The following STAT3 variants were observed in gnomAD, a reference collection of about 807,000 sequenced individuals.
The protein encoded by STAT3 is signal transducer and activator of transcription 3.
STAT3 carries 7 observed loss-of-function variants against 114.3 expected under a neutral mutation model. The observed-to-expected ratio is 0.06, with a 90% confidence interval of 0.03 to 0.11. The LOEUF is 0.11. Ranked by LOEUF, STAT3 falls within the 10% of genes least tolerant of loss-of-function variation. The pLI is 1.00. For synonymous variants in STAT3, 331 were observed against 354.5 expected, an observed-to-expected ratio of 0.93 and a Z score of 0.74; for missense variants, 364 against 960.9, an observed-to-expected ratio of 0.38 and a Z score of 8.21.
intron 1 of STAT3, among the ~76,000 whole-genome samples, chr17:42,382,709 C>T (rs1276232523): frequency 6.6e-5 from 10 of 150,968 alleles, no homozygotes; most frequent in South Asian, 6.3e-4. Context: ...TGCAGTGGCA[C>T]GATCTCAGCT....
In STAT3 at chr17:42,322,338, G is replaced by A; in HGVS notation, c.2045C>T (p.Ala682Val). 6.2e-7 allele frequency: 1 copy of A among 1,614,224 alleles called. No individual in the cohort carries two copies. Among genetic ancestry groups the A allele is most frequent in the Non-Finnish European group, 8.5e-7 (1 of 1,180,036 alleles). Residue 682 changes from alanine (A) to valine (V), a missense_variant, in exon 21 of 24, where the codon GCA (alanine) becomes GTA (valine). Around this residue, in one of 5 missense-constraint regions of STAT3, gnomAD observed 21 missense variants for 43.2 expected, o/e 0.49. Transcript: ENST00000264657. Reference protein sequence around the residue: ...YLYPDIPKEEAFGKYCRPESQ... With the variant: ...YLYPDIPKEEVFGKYCRPESQ... ...CTCTGGCCGACAATACTTTCCGAATGCCTCCTCCTTGGGAATGTCAGGATA... is the reference window on the plus strand; with the variant it reads ...CTCTGGCCGACAATACTTTCCGAATACCTCCTCCTTGGGAATGTCAGGATA...
At chr17:42,323,375 A>C (rs781306396) in intron 18 of STAT3, 21 bp from the exon 19 acceptor site, 1 of 1,613,518 alleles carries the variant, frequency 6.2e-7, no homozygotes, top group Non-Finnish European at 8.5e-7. Flanking sequence ...GAGTAATGGG[A>C]AAGCCAAGTC....
intron 1 of STAT3, among the ~76,000 whole-genome samples, chr17:42,382,699 T>G (rs547184062): frequency 1.1e-4 from 17 of 151,584 alleles, no homozygotes; most frequent in African/African-American, 4.1e-4. Flanking sequence ...CAGGCTGGAG[T>G]GCAGTGGCAC....
chr17:42,371,489 T>G (rs1257061106), intron 1 of STAT3, among the ~76,000 whole-genome samples: 2 of 145,262 alleles, frequency 1.4e-5, no homozygotes, highest in Non-Finnish European at 3.0e-5. Flanking sequence ...CTGACCAACA[T>G]GGAGAAACCT....
chr17:42,354,895 A>G (rs1170168709), intron 1 of STAT3, among the ~76,000 whole-genome samples: 1 of 152,128 alleles, frequency 6.6e-6, no homozygotes, highest in Non-Finnish European at 1.5e-5. Flanking sequence ...TAATACTTTA[A>G]TAGTTATTCT....
intron 1 of STAT3, among the ~76,000 whole-genome samples, chr17:42,381,260 T>C (rs1291445275): frequency 6.6e-6 from 1 of 152,174 alleles, no homozygotes; most frequent in Non-Finnish European, 1.5e-5. Context: ...AAAATATAAG[T>C]TCTTTGGCTG....
intron 1 of STAT3, among the ~76,000 whole-genome samples, chr17:42,366,473 C>T (rs1240037325): frequency 6.6e-6 from 1 of 151,966 alleles, no homozygotes; most frequent in Non-Finnish European, 1.5e-5. Context: ...GAGTTTGAGA[C>T]CAGCCTAGGC....
intron 1 of STAT3, among the ~76,000 whole-genome samples, chr17:42,384,089 C>A (rs183811241): frequency 6.6e-6 from 1 of 152,078 alleles, no homozygotes; most frequent in Admixed American, 6.6e-5. Context: ...GATTAAACAT[C>A]AGTGCTTCGG....
At chr17:42,322,874 TGCGAGTCTGAGTGAAACAG>T in intron 20 of STAT3, 111 bp downstream of exon 20, 1 of 1,322,108 alleles carries the variant, frequency 7.6e-7, no homozygotes, top group Non-Finnish European at 1.1e-6. Context: ...AAATGTGTTT[TGCGAGTCTGAGTGAAACAG>T]GGAGTCAAGG....
At chr17:42,388,193 T>A (rs2085218418) in intron 1 of STAT3, 86 bp downstream of exon 1, 5 of 1,220,082 alleles carry the variant, frequency 4.1e-6, no homozygotes, top group Non-Finnish European at 4.1e-6. Flanking sequence ...CATCACAACA[T>A]CCCCAAGGTC....
rs546773332 is a variant in STAT3, at chr17:42,359,249, C to G, written c.-23-10710G>C. ...CCGCACCCAGCCAGATATTTCTTAT[C>G]TTAAACCCATTTCCTTAGTGTCCTG... On this transcript the variant is annotated intron_variant, in intron 1 of 23. Transcript: ENST00000264657. 2.0e-5 allele frequency among the ~76,000 whole-genome samples: 3 copies of G among 152,146 alleles called. No individual in the cohort carries two copies. In the South Asian group the frequency reaches 6.2e-4, roughly 32 times the overall value.
At position 42,337,142 on chromosome 17, in the gene STAT3, G is replaced by A. The variant is rs997750416; in HGVS notation, c.797+293C>T. On this transcript the variant is annotated intron_variant, in intron 8 of 23. Transcript: ENST00000264657. The surrounding 1 kb of genome is among the most constrained non-coding windows in gnomAD (Gnocchi z 4.0). The stretch of plus-strand genomic sequence containing the variant: ...CTACAGGTGCGCACCACCACGCCCG[G>A]CTAATTTTTTTATGTTTTTAGTAGA... Among the ~76,000 whole-genome samples the A allele has an allele frequency of 6.6e-6, 1 of 151,944 alleles. No homozygotes were observed. Among genetic ancestry groups the A allele is most frequent in the African/African-American group, 2.4e-5 (1 of 41,352 alleles).
chr17:42,387,753 G>GT, intron 1 of STAT3: 1 of 152,830 alleles, frequency 6.5e-6, no homozygotes, highest in Admixed American at 6.5e-5. Flanking sequence ...CAGCCAGCCC[G>GT]TAAGGCTGCA....
At chr17:42,336,312 C>T (rs2082226678) in intron 8 of STAT3, among the ~76,000 whole-genome samples, 1 of 152,114 alleles carries the variant, frequency 6.6e-6, no homozygotes, top group Non-Finnish European at 1.5e-5. Context: ...AAGGAAGATC[C>T]TGGGCTGGGC....
At chr17:42,372,172 C>T (rs962715337) in intron 1 of STAT3, among the ~76,000 whole-genome samples, 1 of 152,146 alleles carries the variant, frequency 6.6e-6, no homozygotes, top group Non-Finnish European at 1.5e-5. Context: ...TCTTACAAAA[C>T]TAAACATACT....
intron 1 of STAT3, among the ~76,000 whole-genome samples, chr17:42,379,841 G>A (rs2084675873): frequency 6.6e-6 from 1 of 152,052 alleles, no homozygotes. Flanking sequence ...CCTTTTATAT[G>A]ACAGCCTCAA....
In STAT3 at chr17:42,324,461, T is replaced by C. The variant is rs1222538354; in HGVS notation, c.1600+250A>G. On this transcript the variant is annotated intron_variant, in intron 17 of 23. Transcript: ENST00000264657. This position sits in a 1 kb window ranked among gnomAD's most constrained non-coding sequence, Gnocchi z 4.5. ...ATCTTCTAAAGTTAGATAGAGTGGG[T>C]GAATGAGACAGCAACCAGGAGAAAA... is the stretch of plus-strand genomic sequence containing the variant. Among the ~76,000 whole-genome samples the C allele has an allele frequency of 4.6e-5, 7 of 152,094 alleles. No individual in the cohort carries two copies. Among genetic ancestry groups the C allele is most frequent in the African/African-American group, 1.4e-4 (6 of 41,398 alleles).
At chr17:42,330,016 C>T (rs752295907) in intron 11 of STAT3, among the ~76,000 whole-genome samples, 13 of 152,222 alleles carry the variant, frequency 8.5e-5, no homozygotes, top group Non-Finnish European at 1.8e-4. Context: ...TTAAACCTAC[C>T]ACCTTCGTCA....
At chr17:42,315,895 C>T (rs1270671648) in intron 23 of STAT3, 95 bp from the exon 24 acceptor site, 1 of 1,605,896 alleles carries the variant, frequency 6.2e-7, no homozygotes, top group African/African-American at 1.3e-5. Flanking sequence ...GCCCAGGCTA[C>T]CACTGCTATC....
Sources: allele counts gnomAD v4.1 joint callset (sites outside exome capture counted in the v4.1 genomes callset), GRCh38; gene constraint gnomAD v4.1.1; regional missense constraint gnomAD v4.1.1; non-coding constraint Gnocchi (gnomAD v3.1); transcripts MANE v1.5; gene names NCBI Gene and HGNC (gene_info 2026-07-23, HGNC 2026-07-21).